The following PARL variants were observed in gnomAD, a reference collection of about 807,000 sequenced individuals.
PARL encodes presenilin-associated rhomboid-like protein, mitochondrial.
A neutral mutation model predicts 51.6 loss-of-function variants in PARL; 44 were observed. The observed-to-expected ratio is 0.85, with a 90% CI of 0.67 to 1.10. The LOEUF is 1.10. Ranked by LOEUF, PARL falls within the 50% of genes least tolerant of loss-of-function variation. The pLI is 0.00. For missense variants in PARL, 441 were observed against 469.5 expected (o/e 0.94, Z 0.56); for synonymous variants, 172 against 164.0 (o/e 1.05, Z -0.37).
chr3:183,826,702 G>T (rs1727434478), downstream of PARL: 1 of 985,148 alleles, frequency 1.0e-6, no homozygotes, highest in Non-Finnish European at 1.2e-6. Flanking sequence ...CCAGCAGGCA[G>T]CAGGCGAGGC....
intron 1 of PARL, among the ~76,000 whole-genome samples, chr3:183,876,987 G>A (rs972019797): frequency 2.4e-4 from 37 of 152,200 alleles, no homozygotes; most frequent in African/African-American, 7.2e-4. Flanking sequence ...CGAGGCGGGC[G>A]GATCACCTGA....
At chr3:183,834,613 T>C (rs1728333481) in intron 7 of PARL, among the ~76,000 whole-genome samples, 1 of 152,138 alleles carries the variant, frequency 6.6e-6, no homozygotes, top group African/African-American at 2.4e-5. Flanking sequence ...TAGGAAGCTT[T>C]TGGGATGAAT....
chr3:183,865,035 G>A (rs1732305373), intron 3 of PARL, among the ~76,000 whole-genome samples: 1 of 151,668 alleles, frequency 6.6e-6, no homozygotes, highest in African/African-American at 2.4e-5. Flanking sequence ...GCCAGGCACA[G>A]TGGCTCACAC....
rs549318715 is a variant in PARL at position 183,882,420 on chromosome 3, G to T, written c.125+2302C>A. ...ACATATACACACACATATATATAGA[G>T]AGAGAGAGAGAGAGAAAGAGAGAGA... On this transcript the variant is annotated intron_variant, in intron 1 of 9. Coordinates refer to ENST00000317096, the MANE Select transcript of PARL (RefSeq NM_018622.7). Among the ~76,000 whole-genome samples, 190 of 141,574 alleles carry T rather than the reference G, an allele frequency of 1.3e-3. 3 individuals carry two copies. The highest frequency in any genetic ancestry group is 4.0e-3 in the African/African-American group (138 of 34,146). The allele number at this position is 141,574 out of a possible 152,430, so 92.9% of individuals were successfully genotyped here. A position where few individuals can be genotyped will look rare whatever the true frequency, so the allele number is the denominator to read the frequency against.
chr3:183,852,462 G>T (rs1440682058), intron 4 of PARL, among the ~76,000 whole-genome samples: 4 of 152,206 alleles, frequency 2.6e-5, no homozygotes, highest in Non-Finnish European at 5.9e-5. Context: ...CACAGAGACA[G>T]AAAGTAGAAT....
At chr3:183,880,349 G>A (rs996994646) in intron 1 of PARL, among the ~76,000 whole-genome samples, 1 of 152,044 alleles carries the variant, frequency 6.6e-6, no homozygotes, top group Non-Finnish European at 1.5e-5. Flanking sequence ...TGCTCAAAGT[G>A]GGAGGATGTC....
chr3:183,843,557 G>A (rs571107900), intron 5 of PARL, among the ~76,000 whole-genome samples: 10 of 152,250 alleles, frequency 6.6e-5, no homozygotes, highest in Middle Eastern at 3.4e-3. Context: ...TTGGCCGGGC[G>A]CAGTGGCTCA....
intron 2 of PARL, among the ~76,000 whole-genome samples, chr3:183,867,557 A>G (rs938257903): frequency 2.0e-5 from 3 of 152,076 alleles, no homozygotes; most frequent in Admixed American, 1.3e-4. Context: ...AAAATTAGCC[A>G]GGCGTGGTGG....
chr3:183,883,962 G>T (rs759742673), intron 1 of PARL, among the ~76,000 whole-genome samples: 11 of 152,230 alleles, frequency 7.2e-5, no homozygotes, highest in Non-Finnish European at 1.2e-4. Context: ...CAGCAATCAG[G>T]TGGATTCGAG....
chr3:183,873,449 G>T (rs980424288), intron 1 of PARL, among the ~76,000 whole-genome samples: 1 of 152,088 alleles, frequency 6.6e-6, no homozygotes, highest in African/African-American at 2.4e-5. Flanking sequence ...TAAGGCAGGA[G>T]ACTCTCTAGA....
intron 4 of PARL, among the ~76,000 whole-genome samples, chr3:183,860,786 C>T (rs2108660009): frequency 6.6e-6 from 1 of 151,552 alleles, no homozygotes; most frequent in South Asian, 2.1e-4. Flanking sequence ...CAAAACCTTG[C>T]CACCCTAAAG....
intron 9 of PARL, among the ~76,000 whole-genome samples, chr3:183,832,728 G>C (rs1366246619): frequency 6.6e-6 from 1 of 152,160 alleles, no homozygotes. Context: ...CTAAGCACTA[G>C]TCTAGGCAAA....
At chr3:183,869,037 T>C (rs1053096078) in intron 1 of PARL, among the ~76,000 whole-genome samples, 3 of 152,172 alleles carry the variant, frequency 2.0e-5, no homozygotes, top group Admixed American at 2.0e-4. Flanking sequence ...CAGCACTTCC[T>C]ACTCTTCAAA....
intron 3 of PARL, among the ~76,000 whole-genome samples, chr3:183,864,990 C>A (rs926123831): frequency 6.8e-6 from 1 of 146,136 alleles, no homozygotes; most frequent in Non-Finnish European, 1.5e-5. Flanking sequence ...GTGTAAATAT[C>A]ATGTCACTGA....
chr3:183,872,920 C>G (rs1050714630), intron 1 of PARL, among the ~76,000 whole-genome samples: 8 of 152,100 alleles, frequency 5.3e-5, no homozygotes, highest in African/African-American at 9.7e-5. Context: ...CATTTTTGAG[C>G]CACTGAGCAA....
chr3:183,882,269 T>TATATTTA (rs1560442479), intron 1 of PARL, among the ~76,000 whole-genome samples: 8 of 30,484 alleles, frequency 2.6e-4, no homozygotes, highest in Non-Finnish European at 4.0e-4. Flanking sequence ...ATATATATAT[T>TATATTTA]TATATATATA....
intron 1 of PARL, among the ~76,000 whole-genome samples, chr3:183,876,329 A>G (rs1028828093): frequency 3.3e-5 from 5 of 152,114 alleles, no homozygotes; most frequent in African/African-American, 7.2e-5. Flanking sequence ...TTATAGGCGC[A>G]ATCCACTGTG....
intron 1 of PARL, among the ~76,000 whole-genome samples, chr3:183,877,320 C>T (rs1185322858): frequency 6.6e-6 from 1 of 152,200 alleles, no homozygotes; most frequent in African/African-American, 2.4e-5. Context: ...GAAGTTGTTT[C>T]TTATGGATGA....
At chr3:183,882,414 TA>T (rs1734665967) in intron 1 of PARL, among the ~76,000 whole-genome samples, 1 of 137,212 alleles carries the variant, frequency 7.3e-6, no homozygotes, top group African/African-American at 2.7e-5. Context: ...CACACATATA[TA>T]TAGAGAGAGA....
Sources: allele counts gnomAD v4.1 joint callset (sites outside exome capture counted in the v4.1 genomes callset), GRCh38; gene constraint gnomAD v4.1.1; transcripts MANE v1.5; gene names NCBI Gene and HGNC (gene_info 2026-07-23, HGNC 2026-07-21).